C1orf54: variants seen among roughly 807,000 people sequenced by gnomAD.
The protein encoded by C1orf54 is uncharacterized protein C1orf54.
In C1orf54, 12 loss-of-function variants were observed where a neutral mutation model predicts 14.7. That is an observed-to-expected ratio of 0.82 (90% CI 0.52 to 1.32). C1orf54 has a LOEUF of 1.32. C1orf54 is among the 40% of genes most tolerant of loss of function. The pLI is 0.00. For synonymous variants in C1orf54, 65 were observed against 56.3 expected (o/e 1.16, Z -0.70); for missense variants, 163 against 162.2 (o/e 1.00, Z -0.03).
At chr1:150,270,537 G>C (rs2101861199), upstream of C1orf54, among the ~76,000 whole-genome samples, 1 of 152,130 alleles carries the variant, frequency 6.6e-6, no homozygotes, top group African/African-American at 2.4e-5. Flanking sequence ...CAGCTACTCA[G>C]GAGGCTGAGC....
chr1:150,268,782 G>C (rs11548266), upstream of C1orf54: 1 of 1,613,826 alleles, frequency 6.2e-7, no homozygotes, highest in Non-Finnish European at 8.5e-7. Flanking sequence ...CGCGACGAAA[G>C]TGCAGCCGAA....
At chr1:150,275,200 G>A (rs1401176691) in intron 2 of C1orf54, among the ~76,000 whole-genome samples, 5 of 151,866 alleles carry the variant, frequency 3.3e-5, no homozygotes, top group East Asian at 3.9e-4. Flanking sequence ...TACCATGCCC[G>A]GCTAATTTTG....
At chr1:150,275,043 A>ATT (rs1560042632) in intron 2 of C1orf54, among the ~76,000 whole-genome samples, 3 of 54,710 alleles carry the variant, frequency 5.5e-5, no homozygotes, top group Non-Finnish European at 6.4e-5. Context: ...TAGAAAAAAA[A>ATT]ATTTTTTTTT....
At chr1:150,272,595 C>G (rs587733828), upstream of C1orf54, 35 of 571,088 alleles carry the variant, frequency 6.1e-5, no homozygotes, top group African/African-American at 6.0e-4. Flanking sequence ...ATGTTTGCAT[C>G]AAAACCCCCT....
upstream of C1orf54, among the ~76,000 whole-genome samples, chr1:150,271,771 T>C (rs1553851300): frequency 6.6e-6 from 1 of 152,060 alleles, no homozygotes; most frequent in Non-Finnish European, 1.5e-5. Flanking sequence ...GGAGGGAAGG[T>C]GTGGCACCTG....
chr1:150,275,499 A>C (rs1359717352), intron 2 of C1orf54, among the ~76,000 whole-genome samples: 7 of 152,080 alleles, frequency 4.6e-5, no homozygotes, highest in Non-Finnish European at 1.0e-4. Context: ...TGAGACCCTG[A>C]CTCTAAAAAA....
intron 2 of C1orf54, among the ~76,000 whole-genome samples, chr1:150,274,726 A>G (rs1252847681): frequency 3.9e-5 from 6 of 152,000 alleles, no homozygotes; most frequent in Non-Finnish European, 7.4e-5. Context: ...CAGCCTGGCC[A>G]ACATGGTGAA....
upstream of C1orf54, chr1:150,268,792 A>G: frequency 6.2e-7 from 1 of 1,613,588 alleles, no homozygotes. Context: ...GTGCAGCCGA[A>G]AAACACCGCA....
chr1:150,272,831 T>C lies in C1orf54; in HGVS notation c.14T>C (p.Phe5Ser). The C allele has an allele frequency of 3.1e-6, 5 of 1,614,212 alleles. No individual in the cohort carries two copies. Among genetic ancestry groups the C allele is most frequent in the Non-Finnish European group, 4.2e-6 (5 of 1,180,040 alleles). The change falls in exon 1 of 6, where the codon TTT becomes TCT. Residue 5 changes from phenylalanine to serine, a missense_variant. Phe to Ser is a radical substitution (Grantham distance 155). Transcript: ENST00000369099. ...GCAGAATCCAGAATGGATGTCCTCT[T>C]TGTAGCCATCTTTGCTGTGCCACTT... The part of the protein sequence containing the change: MDVL[F>S]VAIFAVPLIL...
chr1:150,269,108 C>G (rs1375526616), upstream of C1orf54: 13 of 335,548 alleles, frequency 3.9e-5, no homozygotes, highest in East Asian at 7.2e-4. Context: ...CGGAGCTGCT[C>G]GACCTGCTGG....
At chr1:150,271,526 T>A (rs1652206280), upstream of C1orf54, among the ~76,000 whole-genome samples, 2 of 152,238 alleles carry the variant, frequency 1.3e-5, no homozygotes, top group South Asian at 4.1e-4. Context: ...ATAGTAGATG[T>A]TGAGCAGATA....
At chr1:150,278,064 T>TCCAG (rs782776087) in intron 4 of C1orf54, among the ~76,000 whole-genome samples, 2 of 150,858 alleles carry the variant, frequency 1.3e-5, no homozygotes, top group African/African-American at 2.4e-5. Flanking sequence ...GCTATTGCAC[T>TCCAG]CCAGCCTGGG....
intron 5 of C1orf54, among the ~76,000 whole-genome samples, chr1:150,280,097 G>C (rs1652972721): frequency 6.6e-6 from 1 of 152,154 alleles, no homozygotes; most frequent in African/African-American, 2.4e-5. Flanking sequence ...GGTAGCACAG[G>C]CCTGCAGTCC....
intron 5 of C1orf54, 22 bp from the exon 6 acceptor site, chr1:150,280,809 TTTTC>T (rs782577263): frequency 9.1e-6 from 14 of 1,546,160 alleles, no homozygotes; most frequent in South Asian, 6.0e-5. Context: ...ACTCCTTTTA[TTTTC>T]TTTCTTTCTC....
upstream of C1orf54, chr1:150,269,040 C>A (rs201104265): frequency 1.8e-4 from 87 of 488,672 alleles, no homozygotes; most frequent in Non-Finnish European, 2.8e-4. Flanking sequence ...GCCGCAGCCC[C>A]ACGGCCACCT....
Position 150,279,715 on chromosome 1 carries a change from C to T in C1orf54, c.373C>T (p.Gln125Ter). ...IPLLLSCAFV[Q>*]VGMYFM ...CCTCCTCCTGTCGTGTGCCTTTGTT[C>T]AGGTGGGGATGTATTTCATGTAGAA... The change falls in exon 5 of 6, where the codon CAG (glutamine) becomes TAG (stop). Residue 125 changes from glutamine to a stop codon, truncating the protein, a stop_gained. Coordinates refer to ENST00000369099, the MANE Select transcript of C1orf54 (RefSeq NM_024579.4). LOFTEE classifies it high-confidence loss of function. 6.2e-7 allele frequency: 1 copy of T among 1,612,810 alleles called. No individual in the cohort carries two copies. Among genetic ancestry groups the T allele is most frequent in the Non-Finnish European group, 8.5e-7 (1 of 1,179,408 alleles).
intron 3 of C1orf54, among the ~76,000 whole-genome samples, chr1:150,276,156 A>T (rs1553852413): frequency 1.3e-5 from 2 of 152,012 alleles, no homozygotes; most frequent in African/African-American, 4.8e-5. Flanking sequence ...AAAAGAAAAA[A>T]GAAAAGAAAA....
chr1:150,268,735 CCA>C, upstream of C1orf54: 1 of 1,613,780 alleles, frequency 6.2e-7, no homozygotes, highest in South Asian at 1.1e-5. Context: ...GGGTCCCCAG[CCA>C]CAGTGATCAA....
chr1:150,276,695 T>G, intron 4 of C1orf54, 63 bp downstream of exon 4: 1 of 1,293,266 alleles, frequency 7.7e-7, no homozygotes, highest in Non-Finnish European at 1.1e-6. Flanking sequence ...GTGGAATACA[T>G]AGAGGGCTGG....
Sources: gnomAD v4.1 joint callset for allele counts (sites outside exome capture counted in the v4.1 genomes callset) on GRCh38, gnomAD v4.1.1 for gene constraint, MANE v1.5 for transcripts, NCBI Gene and HGNC (gene_info 2026-07-23, HGNC 2026-07-21) for gene names.